The following MAD1L1 variants were observed in gnomAD, a reference collection of about 807,000 sequenced individuals.
MAD1L1 encodes mitotic spindle assembly checkpoint protein MAD1.
MAD1L1 carries 95 observed loss-of-function variants against 96.9 expected under a neutral mutation model. The ratio of observed to expected loss-of-function variants is 0.98; its 90% CI spans 0.83 to 1.16. The LOEUF (loss-of-function observed/expected upper bound fraction) is 1.16, where lower values mean the gene tolerates loss of function less well. Ranked by LOEUF, MAD1L1 falls within the 50% of genes most tolerant of loss-of-function variation. MAD1L1 has a pLI of 0.00. For missense variants in MAD1L1, 1,007 were observed against 954.4 expected (o/e 1.06, Z -0.73); for synonymous variants, 473 against 396.6 (o/e 1.19, Z -2.29).
intron 12 of MAD1L1, among the ~76,000 whole-genome samples, chr7:2,046,637 C>T (rs1489651633): frequency 4.6e-5 from 7 of 152,192 alleles, no homozygotes; most frequent in Admixed American, 2.0e-4. Context: ...ACACAAACCC[C>T]GCCTCACCCG....
At chr7:1,852,578 A>G (rs1784035135) in intron 18 of MAD1L1, among the ~76,000 whole-genome samples, 1 of 152,190 alleles carries the variant, frequency 6.6e-6, no homozygotes, top group Non-Finnish European at 1.5e-5. Context: ...TGTGATTTAA[A>G]AGTTAATTAA....
chr7:1,887,240 G>C (rs996851349), intron 18 of MAD1L1, among the ~76,000 whole-genome samples: 1 of 139,794 alleles, frequency 7.2e-6, no homozygotes, highest in Non-Finnish European at 1.5e-5. Flanking sequence ...TGTGTATGTG[G>C]GGGTGGCTGT....
At chr7:2,163,465 C>A (rs940020703) in intron 10 of MAD1L1, among the ~76,000 whole-genome samples, 6 of 152,282 alleles carry the variant, frequency 3.9e-5, no homozygotes, top group South Asian at 2.1e-4. Context: ...CCTCTGCCCC[C>A]CCGGTTCAAG....
intron 16 of MAD1L1, among the ~76,000 whole-genome samples, chr7:1,942,929 C>G (rs1416807817): frequency 6.6e-6 from 1 of 152,190 alleles, no homozygotes; most frequent in Non-Finnish European, 1.5e-5. Flanking sequence ...GGCATGAGGA[C>G]CGACGTACAG....
In MAD1L1 at chr7:1,902,729, C is replaced by A. The variant is rs528121882; in HGVS notation, c.1808-4339G>T. Among the ~76,000 whole-genome samples, 39 of 152,380 alleles carry A rather than the reference C, an allele frequency of 2.6e-4. 1 individual carries two copies. Among genetic ancestry groups the A allele is most frequent in the Admixed American group, 2.5e-3 (39 of 15,308 alleles). On this transcript the variant is annotated intron_variant, in intron 17 of 18. Transcript: ENST00000265854. ...GTACGTCCTGCAGTGGGAAGGAGGA[C>A]CCAGCAGCAGGCACCGTTCCAGAAA...
chr7:1,820,646 G>A (rs142671630), intron 18 of MAD1L1, among the ~76,000 whole-genome samples: 3,686 of 152,004 alleles, frequency 0.024, 118 homozygotes, highest in Admixed American at 0.074. Context: ...GTAGCCCCAG[G>A]TATGTGGGAT....
At chr7:2,010,296 G>A (rs915521316) in intron 13 of MAD1L1, among the ~76,000 whole-genome samples, 5 of 152,026 alleles carry the variant, frequency 3.3e-5, no homozygotes, top group South Asian at 2.1e-4. Flanking sequence ...GGGAGGTCAC[G>A]GGGAGGAAGG....
At chr7:1,920,388 C>T (rs568061947) in intron 17 of MAD1L1, among the ~76,000 whole-genome samples, 104 of 152,308 alleles carry the variant, frequency 6.8e-4, no homozygotes, top group African/African-American at 2.4e-3. Context: ...CAGAGAAAGT[C>T]GGGGAGACTC....
intron 10 of MAD1L1, among the ~76,000 whole-genome samples, chr7:2,208,776 C>T (rs575282662): frequency 9.8e-4 from 149 of 152,296 alleles, no homozygotes; most frequent in African/African-American, 3.1e-3. Context: ...CCTCCTCCCC[C>T]TCCTGTGCCC....
rs1790297006 is a variant in MAD1L1, at chr7:2,164,010, G to T, written c.987-14772C>A. ...TTCTAAGTCCATTCATTGCGAATCT[G>T]TGACTCTGAGCTCTCCAAACCTCAA... On this transcript the variant is annotated intron_variant, in intron 10 of 18. Coordinates refer to ENST00000265854, the MANE Select transcript of MAD1L1 (RefSeq NM_001013836.2). Among the ~76,000 whole-genome samples, 2 of 152,254 alleles carry T rather than the reference G, an allele frequency of 1.3e-5. 1 individual carries two copies. The highest frequency in any genetic ancestry group is 6.8e-3 in the Middle Eastern group (2 of 294).
At chr7:1,917,464 C>T (rs758124790) in intron 17 of MAD1L1, among the ~76,000 whole-genome samples, 1 of 152,198 alleles carries the variant, frequency 6.6e-6, no homozygotes, top group African/African-American at 2.4e-5. Flanking sequence ...CCAGCAGCGC[C>T]GCCCCTCTCC....
intron 11 of MAD1L1, among the ~76,000 whole-genome samples, chr7:2,100,797 G>T (rs1023682295): frequency 1.3e-5 from 2 of 152,234 alleles, no homozygotes; most frequent in Non-Finnish European, 2.9e-5. Flanking sequence ...GGGGTTGGAG[G>T]GTGGGAGGGG....
intron 18 of MAD1L1, among the ~76,000 whole-genome samples, chr7:1,867,919 G>A (rs1193553025): frequency 1.3e-5 from 2 of 152,246 alleles, no homozygotes; most frequent in African/African-American, 4.8e-5. Flanking sequence ...TTAGAGCAGT[G>A]TCTGTGCTCG....
intron 10 of MAD1L1, among the ~76,000 whole-genome samples, chr7:2,164,133 C>G (rs2128590458): frequency 1.3e-5 from 2 of 152,322 alleles, no homozygotes; most frequent in East Asian, 3.9e-4. Flanking sequence ...CAATAGGTTA[C>G]TTGTATAACG....
intron 11 of MAD1L1, among the ~76,000 whole-genome samples, chr7:2,100,681 A>T (rs1786735108): frequency 6.6e-6 from 1 of 152,208 alleles, no homozygotes; most frequent in African/African-American, 2.4e-5. Context: ...GGAGAGTGGG[A>T]GCCGCGTCCA....
At chr7:2,081,409 C>T (rs998221004) in intron 11 of MAD1L1, among the ~76,000 whole-genome samples, 1 of 152,240 alleles carries the variant, frequency 6.6e-6, no homozygotes, top group Non-Finnish European at 1.5e-5. Flanking sequence ...ACCAACACTT[C>T]TCCAATTTCC....
chr7:2,015,228 A>G (rs974029248), intron 12 of MAD1L1, among the ~76,000 whole-genome samples: 1 of 152,000 alleles, frequency 6.6e-6, no homozygotes, highest in African/African-American at 2.4e-5. Context: ...CGCTCGTCCA[A>G]CCGCCCAGGG....
intron 14 of MAD1L1, among the ~76,000 whole-genome samples, chr7:1,992,540 A>C (rs1781398479): frequency 6.6e-6 from 1 of 152,216 alleles, no homozygotes; most frequent in East Asian, 1.9e-4. Context: ...CTTAGAAACA[A>C]GCCTGAATTT....
chr7:2,165,308 G>A (rs1790371879), intron 10 of MAD1L1, among the ~76,000 whole-genome samples: 1 of 152,248 alleles, frequency 6.6e-6, no homozygotes, highest in Admixed American at 6.5e-5. Context: ...GGCTGGACTG[G>A]GGGGACCCCG....
Sources: gnomAD v4.1 joint callset for allele counts (sites outside exome capture counted in the v4.1 genomes callset) on GRCh38, gnomAD v4.1.1 for gene constraint, MANE v1.5 for transcripts, NCBI Gene and HGNC (gene_info 2026-07-23, HGNC 2026-07-21) for gene names.